The following MTERF4 variants were observed in gnomAD, a reference collection of about 807,000 sequenced individuals.
MTERF4 encodes the protein mitochondrial transcription termination factor 4.
In MTERF4, 17 loss-of-function variants were observed where a neutral mutation model predicts 22.5. The observed-to-expected ratio is 0.75, with a 90% CI of 0.52 to 1.13. The LOEUF (loss-of-function observed/expected upper bound fraction) is 1.13, where lower values mean the gene tolerates loss of function less well. Among genes scored for constraint, MTERF4 ranks in the 50% most tolerant of loss-of-function variants. The probability of loss-of-function intolerance (pLI) is 0.00; values close to 1 mark genes in which losing one functional copy is unlikely to be tolerated. For missense variants in MTERF4, 420 were observed against 466.8 expected (o/e 0.90, Z 0.92); for synonymous variants, 165 against 175.3 (o/e 0.94, Z 0.47).
chr2:241,058,231 G>A, the MTERF4 span, among the ~76,000 whole-genome samples: 9 of 152,232 alleles, frequency 5.9e-5, no homozygotes, highest in South Asian at 6.2e-4. Context: ...TTCCGTTCAC[G>A]AAGAAGATAC....
chr2:241,052,178 G>C, the MTERF4 span: 2 of 1,587,376 alleles, frequency 1.3e-6, no homozygotes, highest in Non-Finnish European at 1.7e-6. Flanking sequence ...TGGGAGGCCA[G>C]GCCAGGGCGG....
intron 1 of MTERF4, among the ~76,000 whole-genome samples, chr2:241,100,953 C>A (rs910612007): frequency 3.3e-5 from 5 of 152,172 alleles, no homozygotes; most frequent in African/African-American, 9.7e-5. Context: ...GTGGTTCAGG[C>A]TGGTGCTTAA....
rs562704868 is a variant in MTERF4 at position 241,096,229 on chromosome 2, T to G, written c.915A>C (p.Thr305=). The change falls in exon 4 of 4, where the codon ACA becomes ACC. Residue 305 remains threonine, a synonymous_variant. Transcript: ENST00000391980. The surrounding 1 kb of genome is among the most constrained non-coding windows in gnomAD (Gnocchi z 5.1). The part of the protein sequence containing the change: ...RVSEAEFLAR[T]ACTSVEEFQV... ...GAAACTCCTCAACAGAAGTACAGGC[T>G]GTCCTGGCCAAAAACTCAGCTTCTG... is the stretch of plus-strand genomic sequence containing the variant. 215 of 1,614,104 alleles carry G rather than the reference T, an allele frequency of 1.3e-4. No homozygotes were observed. The highest frequency in any genetic ancestry group is 2.0e-4 in the Admixed American group (12 of 60,002).
intron 1 of MTERF4, 42 bp downstream of exon 1, chr2:241,102,211 G>A: frequency 6.5e-7 from 1 of 1,547,738 alleles, no homozygotes; most frequent in Non-Finnish European, 8.7e-7. Flanking sequence ...CTGCCCGCCC[G>A]CCTGCGACCC....
rs529803513 is a variant in MTERF4 at position 241,073,497 on chromosome 2, A to C, written n.2665T>G. The C allele has an allele frequency of 2.3e-4, 169 of 743,404 alleles. No homozygotes were observed. Among genetic ancestry groups the C allele is most frequent in the Admixed American group, 4.4e-4 (21 of 47,618 alleles). 46.1% of individuals were successfully genotyped at this position (743,404 alleles called of 1,614,324 possible). A position where few individuals can be genotyped will look rare whatever the true frequency, so the allele number is the denominator to read the frequency against. ...GAGCCTACCTGAGGGGAGGCTGAGC[A>C]CCAGGCACCCCGGTGTGGGAAGATG... is the stretch of plus-strand genomic sequence containing the variant. On this transcript the variant is annotated non_coding_transcript_exon_variant, in exon 5 of 5. Transcript: ENST00000464344. The surrounding 1 kb of genome is among the most constrained non-coding windows in gnomAD (Gnocchi z 6.6).
chr2:241,071,347 C>T (rs1350234404), downstream of MTERF4: 2 of 597,322 alleles, frequency 3.3e-6, no homozygotes, highest in Admixed American at 2.9e-5. Flanking sequence ...ACGCCTGTGT[C>T]ATGGCTGCGC....
the MTERF4 span, among the ~76,000 whole-genome samples, chr2:241,066,456 CG>C: frequency 8.5e-5 from 13 of 152,254 alleles, no homozygotes; most frequent in African/African-American, 3.1e-4. Context: ...CAGGGGATCT[CG>C]GAACAGGCTG....
chr2:241,071,976 A>C (rs1366194551), downstream of MTERF4: 68 of 1,034,674 alleles, frequency 6.6e-5, no homozygotes, highest in Non-Finnish European at 9.7e-5. Flanking sequence ...GCCCACCCCC[A>C]CCGCCAGCGC....
At chr2:241,052,111 C>T in the MTERF4 span, 2 of 1,613,898 alleles carry the variant, frequency 1.2e-6, no homozygotes, top group South Asian at 2.2e-5. Context: ...TTGGCAAATA[C>T]AAGTGTGACT....
rs530525244 is a variant in MTERF4, at chr2:241,096,477, A to AG, written c.706-40dup. The AG allele has an allele frequency of 5.3e-5, 85 of 1,600,044 alleles. 1 individual carries two copies. The highest frequency in any genetic ancestry group is 1.7e-4 in the Admixed American group (10 of 59,786). ...ACACACTTAGGAGTCCCAGATACAG[A>AG]GTATTGAAACCTATCATTCTATAAA... On this transcript the variant is annotated intron_variant, in intron 3 of 3. Coordinates refer to ENST00000391980, the MANE Select transcript of MTERF4 (RefSeq NM_182501.4). The surrounding 1 kb of genome is among the most constrained non-coding windows in gnomAD (Gnocchi z 5.1).
At chr2:241,085,521 T>C (rs1340727616), downstream of MTERF4, among the ~76,000 whole-genome samples, 1 of 152,208 alleles carries the variant, frequency 6.6e-6, no homozygotes, top group African/African-American at 2.4e-5. Context: ...TTATAATAGA[T>C]ATTTTAAGGT....
chr2:241,050,306 T>C, the MTERF4 span, among the ~76,000 whole-genome samples: 18,164 of 152,210 alleles, frequency 0.12, 1,859 homozygotes, highest in East Asian at 0.33. Flanking sequence ...ATTTAGTCGC[T>C]TGAGAATAGA....
At chr2:241,071,433 T>G (rs954096010), downstream of MTERF4, 13 of 952,180 alleles carry the variant, frequency 1.4e-5, no homozygotes, top group Non-Finnish European at 2.0e-5. Context: ...CACAAGCACC[T>G]TGGATGACCA....
chr2:241,048,541 T>G, the MTERF4 span: 1 of 1,494,998 alleles, frequency 6.7e-7, no homozygotes, highest in Non-Finnish European at 9.0e-7. Flanking sequence ...AAAAGAAACG[T>G]GTGAGTGCGC....
At chr2:241,071,412 T>C, downstream of MTERF4, 1 of 747,532 alleles carries the variant, frequency 1.3e-6, no homozygotes, top group Non-Finnish European at 2.2e-6. Context: ...ACCCAGGGCA[T>C]CTGGGGAAGC....
downstream of MTERF4, chr2:241,087,921 T>A (rs948719187): frequency 5.8e-5 from 24 of 415,700 alleles, no homozygotes; most frequent in African/African-American, 4.3e-4. Flanking sequence ...GAATATTATA[T>A]GCTTTAGAAA....
downstream of MTERF4, chr2:241,090,246 A>T: frequency 6.7e-7 from 1 of 1,498,750 alleles, no homozygotes; most frequent in Non-Finnish European, 8.9e-7. Flanking sequence ...TTAAAAACTA[A>T]GACACAAACA....
chr2:241,090,157 A>G, downstream of MTERF4: 5 of 1,461,884 alleles, frequency 3.4e-6, no homozygotes, highest in Non-Finnish European at 4.5e-6. Context: ...CACTGTACGG[A>G]TGTTCAAAAT....
At chr2:241,055,825 C>T in the MTERF4 span, among the ~76,000 whole-genome samples, 1 of 152,214 alleles carries the variant, frequency 6.6e-6, no homozygotes, top group Admixed American at 6.5e-5. Context: ...ATTCCAAGTC[C>T]ACCTGGAGGG....
Sources: gnomAD v4.1 joint callset for allele counts (sites outside exome capture counted in the v4.1 genomes callset) on GRCh38, gnomAD v4.1.1 for gene constraint, Gnocchi (gnomAD v3.1) non-coding constraint, MANE v1.5 for transcripts, NCBI Gene and HGNC (gene_info 2026-07-23, HGNC 2026-07-21) for gene names.